Variants in SLFN12 observed in about 807,000 individuals in gnomAD.
The protein encoded by SLFN12 is schlafen family member 12, also known as ribonuclease SLFN12.
A neutral mutation model predicts 29.1 loss-of-function variants in SLFN12; 25 were observed. That is an observed-to-expected ratio of 0.86 (90% CI 0.63 to 1.20). SLFN12 has a LOEUF of 1.20. SLFN12 is among the 50% of genes most tolerant of loss of function. The probability of loss-of-function intolerance (pLI) is 0.00; values close to 1 mark genes in which losing one functional copy is unlikely to be tolerated. For missense variants in SLFN12, 660 were observed against 666.2 expected (o/e 0.99, Z 0.10); for synonymous variants, 257 against 238.7 (o/e 1.08, Z -0.71).
intron 3 of SLFN12, among the ~76,000 whole-genome samples, chr17:35,414,437 A>G (rs1225559724): frequency 6.6e-6 from 1 of 152,114 alleles, no homozygotes; most frequent in Non-Finnish European, 1.5e-5. Context: ...TATCTATAAA[A>G]TGCTGATGAA....
chr17:35,421,341 T>C (rs1911635850), intron 2 of SLFN12, among the ~76,000 whole-genome samples: 3 of 151,306 alleles, frequency 2.0e-5, no homozygotes, highest in South Asian at 4.2e-4. Flanking sequence ...CTTACTGAAA[T>C]AGAGCTCAGA....
chr17:35,422,628 G>A lies in SLFN12; in HGVS notation c.401C>T (p.Ala134Val), dbSNP rs749995541. 1 of 1,613,904 alleles carries A rather than the reference G, an allele frequency of 6.2e-7. No individual in the cohort carries two copies. Among genetic ancestry groups the A allele is most frequent in the Non-Finnish European group, 8.5e-7 (1 of 1,179,940 alleles). Residue 134 changes from alanine (A) to valine (V), a missense_variant, in exon 2 of 4, where the codon GCA becomes GTA. Transcript: ENST00000304905. ...TGCAGCAGTGGCATTCATGACTTTT[G>A]CAGATGTTATATCTCTTTTGTACAA... ...SNLYKRDITS[A>V]KVMNATAALE... is the part of the protein sequence containing the mutation.
At position 35,422,510 on chromosome 17, in the gene SLFN12, T is replaced by G; in HGVS notation, c.519A>C (p.Glu173Asp). Residue 173 changes from glutamate to aspartate, a missense_variant, in exon 2 of 4, where the codon GAA (glutamate) becomes GAC (aspartate). Physicochemically the swap from Glu to Asp is conservative, Grantham distance 45 (BLOSUM62 2). Transcript: ENST00000304905. ...LAKRPCVDIQ[E>D]ENNMKALAGV... ...CGGCCAAGGCCTTCATGTTATTTTCTTCTTGTATATCAACACAGGGCCTCT... is the reference window on the plus strand; with the variant it reads ...CGGCCAAGGCCTTCATGTTATTTTCGTCTTGTATATCAACACAGGGCCTCT... The G allele has an allele frequency of 6.2e-7, 1 of 1,613,796 alleles. No individual in the cohort carries two copies. The highest frequency in any genetic ancestry group is 1.1e-5 in the South Asian group (1 of 90,966).
intron 1 of SLFN12, among the ~76,000 whole-genome samples, chr17:35,426,058 C>T (rs915936452): frequency 1.3e-4 from 19 of 151,394 alleles, no homozygotes; most frequent in African/African-American, 4.6e-4. Context: ...TAATGTTGAG[C>T]ATTATTTCAT....
At position 35,418,016 on chromosome 17, in the gene SLFN12, A is replaced by T. The variant is rs1911417195; in HGVS notation, c.1147+2258T>A. On this transcript the variant is annotated intron_variant, in intron 3 of 3. Coordinates refer to ENST00000304905, the MANE Select transcript of SLFN12 (RefSeq NM_018042.5). ...ATACTCAAGGATACAACTTACTGAT[A>T]TAAATATGCCATGTCTTCCCAAATC... Among the ~76,000 whole-genome samples, 6 of 152,164 alleles carry T rather than the reference A, an allele frequency of 3.9e-5. No individual in the cohort carries two copies. In the South Asian group the frequency reaches 1.2e-3, roughly 31 times the overall value.
chr17:35,431,506 C>T (rs923781268), intron 1 of SLFN12, among the ~76,000 whole-genome samples: 3 of 152,116 alleles, frequency 2.0e-5, no homozygotes, highest in Admixed American at 2.0e-4. Context: ...TAGTACTAGG[C>T]CTAAGAACCT....
intron 1 of SLFN12, among the ~76,000 whole-genome samples, chr17:35,427,955 T>C (rs968429815): frequency 1.3e-5 from 2 of 151,922 alleles, no homozygotes; most frequent in East Asian, 1.9e-4. Flanking sequence ...GGCCAGAACA[T>C]GTAGACAGAA....
intron 1 of SLFN12, among the ~76,000 whole-genome samples, chr17:35,426,702 A>G (rs1238628396): frequency 6.6e-6 from 1 of 152,152 alleles, no homozygotes; most frequent in Non-Finnish European, 1.5e-5. Context: ...GTCTTTGCAG[A>G]CAAATGCTAT....
chr17:35,422,047 G>A lies in SLFN12; in HGVS notation c.982C>T (p.Arg328Cys), dbSNP rs750231522. The A allele has an allele frequency of 5.8e-5, 93 of 1,613,868 alleles. 1 individual carries two copies. The highest frequency in any genetic ancestry group is 7.5e-5 in the Non-Finnish European group (89 of 1,179,984). ...EPDSWHVKDN[R>C]VMQLTRKEWI... Reference sequence around the variant, plus strand: ...TCCTTCCTGGTCAACTGCATCACACGGTTATCTTTCACATGCCAGGAATCA... The same window carrying A: ...TCCTTCCTGGTCAACTGCATCACACAGTTATCTTTCACATGCCAGGAATCA... Residue 328 changes from arginine (R) to cysteine (C), a missense_variant, in exon 2 of 4, where the codon CGT (arginine) becomes TGT (cysteine). Coordinates refer to ENST00000304905, the MANE Select transcript of SLFN12 (RefSeq NM_018042.5).
intron 1 of SLFN12, among the ~76,000 whole-genome samples, chr17:35,427,438 T>G (rs1317828106): frequency 6.6e-6 from 1 of 152,264 alleles, no homozygotes; most frequent in African/African-American, 2.4e-5. Flanking sequence ...GCACCCATGA[T>G]GTCCCTTTCT....
Position 35,422,763 on chromosome 17 carries a change from A to G in SLFN12, c.266T>C (p.Phe89Ser), listed in dbSNP as rs1450450253. 1.2e-6 allele frequency: 2 copies of G among 1,614,014 alleles called. No individual in the cohort carries two copies. Among genetic ancestry groups the G allele is most frequent in the Non-Finnish European group, 1.7e-6 (2 of 1,179,922 alleles). Residue 89 changes from phenylalanine (F) to serine (S), a missense_variant, in exon 2 of 4, where the codon TTT (phenylalanine) becomes TCT (serine). Transcript: ENST00000304905. The stretch of plus-strand genomic sequence containing the variant: ...CATGAAGTCTAAGTACTCAGGAACA[A>G]ATAACAGAATGTTACTAAAAGAATT... ...LENSFSNILL[F>S]VPEYLDFMQN...
chr17:35,427,659 C>T (rs927420285), intron 1 of SLFN12, among the ~76,000 whole-genome samples: 3 of 152,048 alleles, frequency 2.0e-5, no homozygotes, highest in Admixed American at 2.0e-4. Context: ...ACAAGTTTTG[C>T]AAAAATAATA....
At chr17:35,421,935 A>G (rs1430451511) in intron 2 of SLFN12, 55 bp downstream of exon 2, 11 of 1,571,006 alleles carry the variant, frequency 7.0e-6, no homozygotes, top group Non-Finnish European at 9.5e-6. Context: ...CATAGAGAAA[A>G]CCTCCCTGCC....
intron 3 of SLFN12, among the ~76,000 whole-genome samples, chr17:35,414,270 AT>A (rs1219630495): frequency 6.6e-6 from 1 of 152,110 alleles, no homozygotes; most frequent in Non-Finnish European, 1.5e-5. Flanking sequence ...AAATAAAAGA[AT>A]TCAGTAAATT....
Position 35,422,325 on chromosome 17 carries a change from C to T in SLFN12, c.704G>A (p.Gly235Glu), listed in dbSNP as rs149433077. The T allele has an allele frequency of 6.6e-5, 106 of 1,613,962 alleles. No individual in the cohort carries two copies. The African/African-American group carries it at 1.1e-3, about 17-fold the overall frequency. ...YVSAFANTDGGYLFIGLNEDK... is the reference protein window; with the variant it reads ...YVSAFANTDGEYLFIGLNEDK... ...TTCATTTAAACCAATGAACAAATAT[C>T]CTCCATCAGTATTTGCAAATGCAGA... The change falls in exon 2 of 4, where the codon GGA becomes GAA. Residue 235 changes from glycine (G) to glutamate (E), a missense_variant. Physicochemically the swap from Gly to Glu is moderately conservative, Grantham distance 98. Coordinates refer to ENST00000304905, the MANE Select transcript of SLFN12 (RefSeq NM_018042.5).
Position 35,411,769 on chromosome 17 carries a change from C to G in SLFN12, c.1306G>C (p.Glu436Gln), listed in dbSNP as rs1911032603. The G allele has an allele frequency of 1.9e-6, 3 of 1,614,048 alleles. No individual in the cohort carries two copies. The highest frequency in any genetic ancestry group is 2.5e-6 in the Non-Finnish European group (3 of 1,180,006). ...GCATCACAGAGGACTTTGTGGTTCT[C>G]TTGCAAGCCCAGATCCACAGACCAG... Reference protein sequence around the residue: ...RSWSVDLGLQENHKVLCDALL... With the variant: ...RSWSVDLGLQQNHKVLCDALL... The change falls in exon 4 of 4, where the codon GAG becomes CAG. Residue 436 changes from glutamate (E) to glutamine (Q), a missense_variant. Coordinates refer to ENST00000304905, the MANE Select transcript of SLFN12 (RefSeq NM_018042.5).
chr17:35,414,636 A>G (rs1911215932), intron 3 of SLFN12, among the ~76,000 whole-genome samples: 1 of 152,044 alleles, frequency 6.6e-6, no homozygotes. Context: ...CTCATCCAAA[A>G]AGCTTCTAGA....
At chr17:35,421,256 A>G (rs1277454542) in intron 2 of SLFN12, among the ~76,000 whole-genome samples, 2 of 145,886 alleles carry the variant, frequency 1.4e-5, no homozygotes, top group South Asian at 2.1e-4. Flanking sequence ...AAATAAATAA[A>G]TAGAAAGGGG....
intron 1 of SLFN12, among the ~76,000 whole-genome samples, chr17:35,427,233 G>C (rs914817491): frequency 6.6e-6 from 1 of 152,104 alleles, no homozygotes; most frequent in South Asian, 2.1e-4. Context: ...CTACAGTTTT[G>C]AATGCTGCTT....
Sources: gnomAD v4.1 joint callset for allele counts (sites outside exome capture counted in the v4.1 genomes callset) on GRCh38, gnomAD v4.1.1 for gene constraint, MANE v1.5 for transcripts, NCBI Gene and HGNC (gene_info 2026-07-23, HGNC 2026-07-21) for gene names.